TRPV3: variants seen among roughly 807,000 people sequenced by gnomAD.
TRPV3 encodes transient receptor potential cation channel subfamily V member 3, also known as VRL-3.
Under a neutral mutation model 87.1 loss-of-function variants are expected in TRPV3, and 88 were observed. That is an observed-to-expected ratio of 1.01 (90% CI 0.85 to 1.21). The LOEUF is 1.21. Among genes scored for constraint, TRPV3 ranks in the 50% most tolerant of loss-of-function variants. TRPV3 has a pLI of 0.00. For missense variants in TRPV3, 1,054 were observed against 1,030.1 expected (o/e 1.02, Z -0.32); for synonymous variants, 438 against 423.3 (o/e 1.03, Z -0.43).
intron 13 of TRPV3, among the ~76,000 whole-genome samples, chr17:3,523,767 T>A (rs1454231127): frequency 6.6e-6 from 1 of 151,450 alleles, no homozygotes; most frequent in Admixed American, 6.6e-5. Context: ...CAACTGGCTA[T>A]GTGGAATTTA....
Position 3,514,721 on chromosome 17 carries a change from T to A in TRPV3, c.2199-49A>T, listed in dbSNP as rs1369366405. 4 of 1,410,950 alleles carry A rather than the reference T, an allele frequency of 2.8e-6. No individual in the cohort carries two copies. In the African/African-American group the frequency reaches 5.6e-5, roughly 20 times the overall value. The allele number at this position is 1,410,950 out of a possible 1,614,324, so 87.4% of individuals were successfully genotyped here. ...ACTATTTCACCAGTGCCTCACTGAG[T>A]ACTAACAAATAGCCCTGCGTTTGGG... On this transcript the variant is annotated intron_variant, in intron 16 of 17. Coordinates refer to ENST00000576742, the MANE Select transcript of TRPV3 (RefSeq NM_145068.4).
chr17:3,529,452 CT>C (rs1158297481), intron 9 of TRPV3, among the ~76,000 whole-genome samples: 1 of 152,124 alleles, frequency 6.6e-6, no homozygotes, highest in Non-Finnish European at 1.5e-5. Flanking sequence ...GGAAGCATGA[CT>C]CTTAGTAAAG....
intron 14 of TRPV3, among the ~76,000 whole-genome samples, chr17:3,519,408 G>GATTAAAT (rs1266807471): frequency 5.0e-4 from 72 of 143,040 alleles, no homozygotes; most frequent in African/African-American, 1.9e-3. Context: ...ATGGATGGAT[G>GATTAAAT]GATGGATGGA....
At chr17:3,533,349 T>A (rs886876855) in intron 7 of TRPV3, among the ~76,000 whole-genome samples, 4 of 152,214 alleles carry the variant, frequency 2.6e-5, no homozygotes, top group Non-Finnish European at 5.9e-5. Flanking sequence ...CCCCTCTGCC[T>A]GTAGATAGCC....
In TRPV3 at chr17:3,557,490, G is replaced by C. The variant is rs1435680507; in HGVS notation, c.-3+186C>G. On this transcript the variant is annotated intron_variant, in intron 1 of 17. Coordinates refer to ENST00000576742, the MANE Select transcript of TRPV3 (RefSeq NM_145068.4). This position sits in a 1 kb window ranked among gnomAD's most constrained non-coding sequence, Gnocchi z 4.5. ...TTCTCACACATCCCTACAGCCAAGA[G>C]TGCAGCCAAGAGTGCCTCCCTACAG... is the stretch of plus-strand genomic sequence containing the variant. Among the ~76,000 whole-genome samples the C allele has an allele frequency of 6.6e-6, 1 of 152,172 alleles. No individual in the cohort carries two copies. Among genetic ancestry groups the C allele is most frequent in the Non-Finnish European group, 1.5e-5 (1 of 68,014 alleles).
chr17:3,519,704 AGATG>A (rs145819534), intron 14 of TRPV3, among the ~76,000 whole-genome samples: 15,483 of 85,660 alleles, frequency 0.18, 1,445 homozygotes, highest in East Asian at 0.43. Flanking sequence ...ATGGATGGAT[AGATG>A]GATGGATGGA....
rs2074205631 is a variant in TRPV3 at position 3,518,667 on chromosome 17, G to A, written c.1994C>T (p.Thr665Ile). 1.9e-6 allele frequency: 3 copies of A among 1,605,302 alleles called. No individual in the cohort carries two copies. In the East Asian group the frequency reaches 6.7e-5, roughly 36 times the overall value. The change falls in exon 15 of 18, where the codon ACC (threonine) becomes ATC (isoleucine). Residue 665 changes from threonine (T) to isoleucine (I), a missense_variant. By Grantham distance (89) the Thr-to-Ile change is moderately conservative. Transcript: ENST00000576742. The surrounding 1 kb of genome is among the most constrained non-coding windows in gnomAD (Gnocchi z 4.3). Reference sequence around the variant, plus strand: ...GAGCATGTTGAGGAGGAGAACAAAGGTGAGGATGACATAGGTGATGAGCAG... The same window carrying A: ...GAGCATGTTGAGGAGGAGAACAAAGATGAGGATGACATAGGTGATGAGCAG... ...LFLLITYVIL[T>I]FVLLLNMLIA...
At chr17:3,538,516 G>A (rs1267155207) in intron 6 of TRPV3, among the ~76,000 whole-genome samples, 1 of 151,784 alleles carries the variant, frequency 6.6e-6, no homozygotes, top group Non-Finnish European at 1.5e-5. Flanking sequence ...GTTGTGGGGA[G>A]AGAGTAAATG....
intron 13 of TRPV3, 56 bp downstream of exon 13, chr17:3,524,142 A>G: frequency 6.3e-7 from 1 of 1,594,688 alleles, no homozygotes; most frequent in South Asian, 1.1e-5. Context: ...CAGTTTCCCC[A>G]TCTGAAAAAT....
rs1310979842 is a variant in TRPV3, at chr17:3,512,775, T to TC, written c.*1141dup. 6.6e-6 allele frequency: 1 copy of TC among 151,844 alleles called. No individual in the cohort carries two copies. Among genetic ancestry groups the TC allele is most frequent in the African/African-American group, 2.4e-5 (1 of 41,316 alleles). The allele number at this position is 151,844 out of a possible 1,614,324, so 9.4% of individuals were successfully genotyped here. On this transcript the variant is annotated 3_prime_UTR_variant, in exon 18 of 18. Transcript: ENST00000576742. ...CAAAGTCTTGGCAAATGCTTTTCTCTCACAAGCTTCCCCTTCAGCTTCAAA... is the reference window on the plus strand; with the variant it reads ...CAAAGTCTTGGCAAATGCTTTTCTCTCCACAAGCTTCCCCTTCAGCTTCAAA...
chr17:3,530,126 C>A lies in TRPV3; in HGVS notation c.1143G>T (p.Ala381=), dbSNP rs141437962. The part of the protein sequence containing the change: ...RSLSRKFTDW[A]YGPVSSSLYD... ...AGAGGGAGGATGACACGGGTCCGTA[C>A]GCCCAGTCGGTGAACTTCCTGGACA... The change falls in exon 9 of 18, where the codon GCG becomes GCT. Residue 381 remains alanine (A), a synonymous_variant. Transcript: ENST00000576742. The surrounding 1 kb of genome is among the most constrained non-coding windows in gnomAD (Gnocchi z 4.0). The A allele has an allele frequency of 3.1e-6, 5 of 1,614,180 alleles. No individual in the cohort carries two copies. The highest frequency in any genetic ancestry group is 2.2e-5 in the East Asian group (1 of 44,878).
At chr17:3,545,377 C>T in intron 2 of TRPV3, 106 bp from the exon 3 acceptor site, 1 of 758,726 alleles carries the variant, frequency 1.3e-6, no homozygotes, top group East Asian at 2.7e-5. Context: ...AGCACACACC[C>T]TGGCCAGCTC....
At chr17:3,524,463 C>A (rs2074277079) in intron 12 of TRPV3, 100 bp from the exon 13 acceptor site, 2 of 1,468,014 alleles carry the variant, frequency 1.4e-6, no homozygotes, top group South Asian at 1.3e-5. Flanking sequence ...CCTGAACAGT[C>A]ACCCCGGTGA....
At position 3,511,675 on chromosome 17, in the gene TRPV3, A is replaced by T. The variant is rs565148251; in HGVS notation, c.*2242T>A. The T allele has an allele frequency of 6.6e-6, 1 of 152,356 alleles. No homozygotes were observed. The highest frequency in any genetic ancestry group is 1.5e-5 in the Non-Finnish European group (1 of 68,048). 9.4% of individuals were successfully genotyped at this position (152,356 alleles called of 1,614,324 possible). On this transcript the variant is annotated 3_prime_UTR_variant, in exon 18 of 18. Coordinates refer to ENST00000576742, the MANE Select transcript of TRPV3 (RefSeq NM_145068.4). Reference sequence around the variant, plus strand: ...GACCCACAGACAGCAGATCACCAAAACATGTGAGATGACAAACATCCCTAT... The same window carrying T: ...GACCCACAGACAGCAGATCACCAAATCATGTGAGATGACAAACATCCCTAT...
rs2074322363 is a variant in TRPV3, at chr17:3,528,743, C to T, written c.1401+94G>A. 17 of 1,488,204 alleles carry T rather than the reference C, an allele frequency of 1.1e-5. No homozygotes were observed. Among genetic ancestry groups the T allele is most frequent in the Admixed American group, 1.9e-5 (1 of 53,728 alleles). The allele number at this position is 1,488,204 out of a possible 1,614,324, so 92.2% of individuals were successfully genotyped here. A position where few individuals can be genotyped will look rare whatever the true frequency, so the allele number is the denominator to read the frequency against. On this transcript the variant is annotated intron_variant, in intron 10 of 17. Transcript: ENST00000576742. This position sits in a 1 kb window ranked among gnomAD's most constrained non-coding sequence, Gnocchi z 4.2. ...GGGACCCCGCCCAATCTCCTGGTCT[C>T]TCTGGGCCTCAGTTTTCCCACCTGC...
intron 8 of TRPV3, 126 bp downstream of exon 8, chr17:3,532,531 G>T: frequency 7.9e-7 from 1 of 1,265,676 alleles, no homozygotes; most frequent in Non-Finnish European, 1.1e-6. Flanking sequence ...TGGACCCAAG[G>T]CTGGGACCTT....
chr17:3,514,113 T>C, intron 17 of TRPV3, 102 bp from the exon 18 acceptor site: 1 of 1,024,746 alleles, frequency 9.8e-7, no homozygotes, highest in South Asian at 1.7e-5. Context: ...AGTTTCCCTC[T>C]TGTCACCCAG....
At chr17:3,554,933 C>G (rs769657582) in intron 1 of TRPV3, 81 bp from the exon 2 acceptor site, 7 of 797,434 alleles carry the variant, frequency 8.8e-6, no homozygotes, top group African/African-American at 1.7e-5. Flanking sequence ...CATGTGGCTG[C>G]ATCCAGCTCC....
intron 12 of TRPV3, 141 bp downstream of exon 12, chr17:3,526,713 A>C (rs934301898): frequency 1.5e-6 from 1 of 666,832 alleles, no homozygotes; most frequent in African/African-American, 1.8e-5. Context: ...AAGAGAGGAG[A>C]CCCCTGGCGT....
Sources: allele counts gnomAD v4.1 joint callset (sites outside exome capture counted in the v4.1 genomes callset), GRCh38; gene constraint gnomAD v4.1.1; non-coding constraint Gnocchi (gnomAD v3.1); transcripts MANE v1.5; gene names NCBI Gene and HGNC (gene_info 2026-07-23, HGNC 2026-07-21).